The following DAAM2 variants were observed in gnomAD, a reference collection of about 807,000 sequenced individuals.
DAAM2 encodes the protein dishevelled associated activator of morphogenesis 2.
In DAAM2, 39 loss-of-function variants were observed where a neutral mutation model predicts 120.7. That is an observed-to-expected ratio of 0.32 (90% CI 0.25 to 0.42). The LOEUF (loss-of-function observed/expected upper bound fraction) is 0.42. Ranked by LOEUF, DAAM2 falls within the 10% of genes least tolerant of loss-of-function variation. The pLI is 1.00. For missense variants in DAAM2, 1,283 were observed against 1,401.7 expected (o/e 0.92, Z 1.35); for synonymous variants, 488 against 524.9 (o/e 0.93, Z 0.96).
chr6:39,837,663 C>CAAAAAAAAAAAAAAAAAAA (rs758751293), intron 1 of DAAM2, among the ~76,000 whole-genome samples: 89 of 41,116 alleles, frequency 2.2e-3, no homozygotes, highest in East Asian at 3.3e-3. Flanking sequence ...AACTCCATCT[C>CAAAAAAAAAAAAAAAAAAA]AAAAAAAAAA....
At chr6:39,875,963 A>G (rs2149324156) in intron 11 of DAAM2, among the ~76,000 whole-genome samples, 1 of 152,334 alleles carries the variant, frequency 6.6e-6, no homozygotes, top group Middle Eastern at 3.4e-3. Context: ...TACATTTCAA[A>G]CAACACACAC....
chr6:39,864,104 C>G (rs1250999719), intron 3 of DAAM2, among the ~76,000 whole-genome samples: 1 of 152,172 alleles, frequency 6.6e-6, no homozygotes, highest in South Asian at 2.1e-4. Context: ...GATTCAACAG[C>G]CAGGAAATTA....
chr6:39,897,257 C>T lies in DAAM2; in HGVS notation c.2593C>T (p.His865Tyr). The T allele has an allele frequency of 6.2e-7, 1 of 1,612,538 alleles. No individual in the cohort carries two copies. The highest frequency in any genetic ancestry group is 8.5e-7 in the Non-Finnish European group (1 of 1,178,584). Reference protein sequence around the residue: ...DILNMPSELQHLPEAAKVNLA... With the variant: ...DILNMPSELQYLPEAAKVNLA... ...TCTAAACATGCCTTCAGAGCTGCAA[C>T]ATCTTCCAGAAGCTGCCAAAGTCAA... Residue 865 changes from histidine (H) to tyrosine (Y), a missense_variant, in exon 21 of 25, where the codon CAT becomes TAT. By Grantham distance (83) the His-to-Tyr change is moderately conservative (BLOSUM62 2). Coordinates refer to ENST00000274867, the MANE Select transcript of DAAM2 (RefSeq NM_001201427.2).
chr6:39,848,360 G>A (rs1214760648), intron 1 of DAAM2, among the ~76,000 whole-genome samples: 1 of 152,106 alleles, frequency 6.6e-6, no homozygotes, highest in African/African-American at 2.4e-5. Flanking sequence ...ATGAATATTT[G>A]ACCATGACCT....
chr6:39,895,820 GTTAGC>G (rs932106574), intron 19 of DAAM2, among the ~76,000 whole-genome samples: 11 of 152,314 alleles, frequency 7.2e-5, no homozygotes, highest in African/African-American at 1.7e-4. Flanking sequence ...TTTGGTTACT[GTTAGC>G]TTAGTTTGTA....
chr6:39,867,722 A>T lies in DAAM2; in HGVS notation c.641A>T (p.Lys214Met). 1.2e-6 allele frequency: 2 copies of T among 1,614,058 alleles called. No individual in the cohort carries two copies. The highest frequency in any genetic ancestry group is 1.7e-6 in the Non-Finnish European group (2 of 1,179,898). ...CAGAGCCTACGCACAGAGAACAGCA[A>T]GACCAAGGTGGCTGTGCTGGAGATC... ...IAQSLRTENS[K>M]TKVAVLEILG... Residue 214 changes from lysine (K) to methionine (M), a missense_variant, in exon 6 of 25, where the codon AAG (lysine) becomes ATG (methionine). Coordinates refer to ENST00000274867, the MANE Select transcript of DAAM2 (RefSeq NM_001201427.2).
intron 1 of DAAM2, among the ~76,000 whole-genome samples, chr6:39,844,250 A>C (rs563682026): frequency 3.9e-5 from 6 of 152,194 alleles, no homozygotes; most frequent in South Asian, 2.1e-4. Flanking sequence ...TTTCTATTTC[A>C]AGCTCAATGG....
intron 1 of DAAM2, among the ~76,000 whole-genome samples, chr6:39,793,342 G>C (rs1005221330): frequency 2.0e-5 from 3 of 150,700 alleles, no homozygotes; most frequent in South Asian, 2.1e-4. Flanking sequence ...ATAAAGAGAC[G>C]TGTCTGAGCT....
Position 39,901,831 on chromosome 6 carries a change from C to G in DAAM2, c.3001C>G (p.Arg1001Gly). The G allele has an allele frequency of 6.4e-7, 1 of 1,555,658 alleles. No homozygotes were observed. Among genetic ancestry groups the G allele is most frequent in the Non-Finnish European group, 8.7e-7 (1 of 1,147,946 alleles). The change falls in exon 25 of 25, where the codon CGT (arginine) becomes GGT (glycine). Residue 1001 changes from arginine to glycine, a missense_variant. Transcript: ENST00000274867. This position sits in a 1 kb window ranked among gnomAD's most constrained non-coding sequence, Gnocchi z 4.5. The stretch of plus-strand genomic sequence containing the variant: ...CCCGCAGCTGAAGGAGCAGAGGGAA[C>G]GTGAGCGGTGGCAGCGGCAGCGGAA... ...MEAMLKEQRE[R>G]ERWQRQRKVL...
chr6:39,897,080 A>G, intron 20 of DAAM2, 95 bp from the exon 21 acceptor site: 1 of 1,518,484 alleles, frequency 6.6e-7, no homozygotes, highest in Non-Finnish European at 9.0e-7. Context: ...CCTAAGACTC[A>G]TCACCCCTTT....
chr6:39,854,405 G>A (rs1243242369), intron 1 of DAAM2, among the ~76,000 whole-genome samples: 2 of 152,110 alleles, frequency 1.3e-5, no homozygotes, highest in East Asian at 3.9e-4. Flanking sequence ...GAGCCCTCAC[G>A]ATATTTATGA....
rs143180174 is a variant in DAAM2, at chr6:39,847,654, C to T, written c.-56-8593C>T. Among the ~76,000 whole-genome samples the T allele has an allele frequency of 1.2e-3, 178 of 152,180 alleles. 1 individual carries two copies. The highest frequency in any genetic ancestry group is 3.4e-3 in the African/African-American group (140 of 41,510). On this transcript the variant is annotated intron_variant, in intron 1 of 24. Transcript: ENST00000274867. ...GCCCCTCATCCTCTCACTCACGTGC[C>T]GGCACCCCTCCGTGGCACCACCAGC...
chr6:39,847,121 G>A (rs1763626780), intron 1 of DAAM2, among the ~76,000 whole-genome samples: 2 of 152,230 alleles, frequency 1.3e-5, no homozygotes, highest in South Asian at 4.1e-4. Flanking sequence ...CGGGGGCCAG[G>A]TGGGGCCATG....
chr6:39,895,227 C>CTTACTTAT (rs375299409), intron 19 of DAAM2, among the ~76,000 whole-genome samples: 8 of 137,650 alleles, frequency 5.8e-5, no homozygotes, highest in African/African-American at 1.8e-4. Context: ...ACTTTATTTA[C>CTTACTTAT]TTATTTATTT....
intron 1 of DAAM2, among the ~76,000 whole-genome samples, chr6:39,802,854 A>G (rs775690002): frequency 6.6e-6 from 1 of 152,158 alleles, no homozygotes; most frequent in Non-Finnish European, 1.5e-5. Flanking sequence ...GCCCTGCCCA[A>G]GAAGCCCCCT....
At position 39,901,417 on chromosome 6, in the gene DAAM2, A is replaced by C; in HGVS notation, c.2927A>C (p.Glu976Ala). Residue 976 changes from glutamate (E) to alanine (A), a missense_variant, in exon 24 of 25, where the codon GAG (glutamate) becomes GCG (alanine). This residue lies in a region of DAAM2 where 748 missense variants were observed against 768.6 expected (regional missense o/e 0.97). Transcript: ENST00000274867. This position sits in a 1 kb window ranked among gnomAD's most constrained non-coding sequence, Gnocchi z 4.5. ...QAFSEARQDLEAMRRRKEEEE... is the reference protein window; with the variant it reads ...QAFSEARQDLAAMRRRKEEEE... The stretch of plus-strand genomic sequence containing the variant: ...TTCTCAGAGGCCCGGCAGGATCTAG[A>C]GGCCATGAGGAGGAGGAAGGAGGAG... The C allele has an allele frequency of 6.2e-7, 1 of 1,613,458 alleles. No individual in the cohort carries two copies. Among genetic ancestry groups the C allele is most frequent in the African/African-American group, 1.3e-5 (1 of 74,974 alleles).
intron 1 of DAAM2, among the ~76,000 whole-genome samples, chr6:39,829,333 G>T (rs1323607373): frequency 6.6e-6 from 1 of 152,238 alleles, no homozygotes; most frequent in African/African-American, 2.4e-5. Context: ...AACATTGGCA[G>T]TGACTTTCTG....
At chr6:39,889,514 T>A (rs1765571685) in intron 17 of DAAM2, among the ~76,000 whole-genome samples, 1 of 152,202 alleles carries the variant, frequency 6.6e-6, no homozygotes, top group South Asian at 2.1e-4. Context: ...GCTAAACATA[T>A]ACCCGCCCTA....
At chr6:39,849,233 A>C (rs567396971) in intron 1 of DAAM2, among the ~76,000 whole-genome samples, 1 of 152,326 alleles carries the variant, frequency 6.6e-6, no homozygotes, top group South Asian at 2.1e-4. Flanking sequence ...ACAATACTTA[A>C]ATGAATGTGC....
Sources: gnomAD v4.1 joint callset for allele counts (sites outside exome capture counted in the v4.1 genomes callset) on GRCh38, gnomAD v4.1.1 for gene constraint, gnomAD v4.1.1 regional missense constraint, Gnocchi (gnomAD v3.1) non-coding constraint, MANE v1.5 for transcripts, NCBI Gene and HGNC (gene_info 2026-07-23, HGNC 2026-07-21) for gene names.